Variants in LAMP3 observed in about 807,000 individuals in gnomAD.
LAMP3 encodes the protein lysosome associated membrane protein 3.
In LAMP3, 26 loss-of-function variants were observed where a neutral mutation model predicts 34.8. The observed-to-expected ratio is 0.75, with a 90% CI of 0.55 to 1.04. The LOEUF (loss-of-function observed/expected upper bound fraction) is 1.04, where lower values mean the gene tolerates loss of function less well. Ranked by LOEUF, LAMP3 falls within the 50% of genes least tolerant of loss-of-function variation. The probability of loss-of-function intolerance (pLI) is 0.00; values close to 1 mark genes in which losing one functional copy is unlikely to be tolerated. For missense variants in LAMP3, 495 were observed against 524.0 expected, an observed-to-expected ratio of 0.94 and a Z score of 0.54; for synonymous variants, 180 against 201.9, an observed-to-expected ratio of 0.89 and a Z score of 0.92.
In LAMP3 at chr3:183,162,618, G is replaced by C. The variant is rs1156608644; in HGVS notation, c.38C>G (p.Ala13Gly). 6.5e-7 allele frequency: 1 copy of C among 1,545,260 alleles called. No homozygotes were observed. The highest frequency in any genetic ancestry group is 8.7e-7 in the Non-Finnish European group (1 of 1,145,954). The change falls in exon 1 of 6, where the codon GCG becomes GGG. Residue 13 changes from alanine to glycine, a missense_variant. Transcript: ENST00000265598. Reference sequence around the variant, plus strand: ...TGAGGGCCACTCACCGGCCAGGGACGCGAAGAGCGCGGCCGCCGCGCTGAG... The same window carrying C: ...TGAGGGCCACTCACCGGCCAGGGACCCGAAGAGCGCGGCCGCCGCGCTGAG... ...RQLSAAAALF[A>G]SLAVILHDGS...
At chr3:183,147,062 T>G (rs1350911039) in intron 3 of LAMP3, among the ~76,000 whole-genome samples, 1 of 151,682 alleles carries the variant, frequency 6.6e-6, no homozygotes, top group Non-Finnish European at 1.5e-5. Context: ...GCTAACATGG[T>G]GAAACCCCAT....
In LAMP3 at chr3:183,153,968, T is replaced by C. The variant is rs781528094; in HGVS notation, c.473A>G (p.Asn158Ser). ...SSSTVSHTTG[N>S]TTQPSNQTTL... ...GGTCTGGTTACTGGGTTGAGTGGTG[T>C]TCCCAGTTGTGTGGCTGACGGTTGA... is the stretch of plus-strand genomic sequence containing the variant. The change falls in exon 2 of 6, where the codon AAC (asparagine) becomes AGC (serine). Residue 158 changes from asparagine to serine, a missense_variant. Transcript: ENST00000265598. The C allele has an allele frequency of 3.7e-6, 6 of 1,614,178 alleles. No homozygotes were observed. The highest frequency in any genetic ancestry group is 5.1e-6 in the Non-Finnish European group (6 of 1,180,022).
At chr3:183,163,132 A>G (rs368611120), upstream of LAMP3, among the ~76,000 whole-genome samples, 70 of 150,272 alleles carry the variant, frequency 4.7e-4, 1 homozygote, top group East Asian at 6.5e-3. Context: ...TAATTTTTGT[A>G]TTTTTAGTAG....
chr3:183,140,377 C>T (rs1300903340), intron 4 of LAMP3, among the ~76,000 whole-genome samples, 161 bp downstream of exon 4: 2 of 127,088 alleles, frequency 1.6e-5, no homozygotes, highest in Admixed American at 1.9e-4. Context: ...TGCCACTACA[C>T]TCCAGCCTGG....
chr3:183,135,464 T>G (rs577155775), intron 5 of LAMP3, among the ~76,000 whole-genome samples: 24 of 152,152 alleles, frequency 1.6e-4, no homozygotes, highest in African/African-American at 5.5e-4. Flanking sequence ...AGCGCGTGAG[T>G]GTTTAAATGA....
intron 3 of LAMP3, among the ~76,000 whole-genome samples, chr3:183,145,258 TC>T (rs1188209531): frequency 1.3e-5 from 2 of 152,114 alleles, no homozygotes; most frequent in Admixed American, 1.3e-4. Context: ...GGTTTTCAGT[TC>T]TTTAAAAAAT....
chr3:183,162,760 A>G, upstream of LAMP3: 1 of 1,106,186 alleles, frequency 9.0e-7, no homozygotes, highest in Non-Finnish European at 1.2e-6. Context: ...CCACCTGCTT[A>G]TGAGAAGCAG....
chr3:183,126,592 G>A (rs900419250), intron 5 of LAMP3, among the ~76,000 whole-genome samples: 15 of 151,804 alleles, frequency 9.9e-5, no homozygotes, highest in African/African-American at 3.1e-4. Context: ...GCAAACTCAC[G>A]TGCATGCTTA....
chr3:183,162,878 G>T (rs528896789), upstream of LAMP3: 2 of 525,812 alleles, frequency 3.8e-6, no homozygotes, highest in Admixed American at 7.7e-5. Flanking sequence ...GCCGGGGCCC[G>T]GGCCTCTGGG....
At chr3:183,139,915 T>C (rs998244840) in intron 4 of LAMP3, among the ~76,000 whole-genome samples, 2 of 152,182 alleles carry the variant, frequency 1.3e-5, no homozygotes, top group South Asian at 4.1e-4. Flanking sequence ...AATGTATGAT[T>C]CCCAGAGTAT....
At position 183,162,605 on chromosome 3, in the gene LAMP3, A is replaced by G; in HGVS notation, c.49+2T>C. On this transcript the variant is annotated splice_donor_variant, in intron 1 of 5. Coordinates refer to ENST00000265598, the MANE Select transcript of LAMP3 (RefSeq NM_014398.4). LOFTEE classifies it high-confidence loss of function. ...CCGCGGGAAGCGCTGAGGGCCACTCACCGGCCAGGGACGCGAAGAGCGCGG... is the reference window on the plus strand; with the variant it reads ...CCGCGGGAAGCGCTGAGGGCCACTCGCCGGCCAGGGACGCGAAGAGCGCGG... The G allele has an allele frequency of 1.3e-6, 2 of 1,547,034 alleles. No individual in the cohort carries two copies. Among genetic ancestry groups the G allele is most frequent in the Admixed American group, 2.0e-5 (1 of 50,966 alleles).
At chr3:183,161,328 G>A (rs1362427848) in intron 1 of LAMP3, among the ~76,000 whole-genome samples, 2 of 152,096 alleles carry the variant, frequency 1.3e-5, no homozygotes, top group Non-Finnish European at 2.9e-5. Context: ...GAAAGGAACC[G>A]GTAATGTGGG....
intron 3 of LAMP3, among the ~76,000 whole-genome samples, chr3:183,149,588 TA>T (rs1720564736): frequency 1.7e-4 from 6 of 34,730 alleles, no homozygotes; most frequent in Non-Finnish European, 6.0e-4. Context: ...TATATATATA[TA>T]TATATATATA....
chr3:183,126,570 G>A (rs1276443153), intron 5 of LAMP3, among the ~76,000 whole-genome samples: 7 of 151,398 alleles, frequency 4.6e-5, no homozygotes, highest in Non-Finnish European at 8.8e-5. Flanking sequence ...GTGTGCACAC[G>A]TGTGCATGTG....
chr3:183,135,579 G>A, intron 5 of LAMP3, 138 bp downstream of exon 5: 1 of 832,044 alleles, frequency 1.2e-6, no homozygotes, highest in Admixed American at 2.3e-5. Context: ...GCCTGGCCCT[G>A]TGAGCTATGT....
intron 1 of LAMP3, among the ~76,000 whole-genome samples, chr3:183,157,283 T>C (rs1016638023): frequency 2.8e-4 from 43 of 152,200 alleles, no homozygotes; most frequent in Non-Finnish European, 4.7e-4. Context: ...TGCATGATAC[T>C]TGAGAGTGGT....
chr3:183,126,534 A>ATGTG lies in LAMP3; in HGVS notation c.1118-2324_1118-2321dup, dbSNP rs111747229. ...TTTTGGGCATGTAGTTCCTCTGTGA[A>ATGTG]TGTGTGTGTGTGTGTGTGTGTGTGT... is the stretch of plus-strand genomic sequence containing the variant. On this transcript the variant is annotated intron_variant, in intron 5 of 5. Transcript: ENST00000265598. Among the ~76,000 whole-genome samples the ATGTG allele has an allele frequency of 6.1e-3, 915 of 149,740 alleles. 9 individuals are homozygous for ATGTG. Among genetic ancestry groups the ATGTG allele is most frequent in the African/African-American group, 0.015 (631 of 40,790 alleles).
intron 4 of LAMP3, among the ~76,000 whole-genome samples, chr3:183,137,818 C>T (rs1720145220): frequency 1.3e-5 from 2 of 151,576 alleles, no homozygotes; most frequent in Non-Finnish European, 2.9e-5. Flanking sequence ...TCCCCTTCCC[C>T]CCACCTTTTT....
In LAMP3 at chr3:183,162,618, G is replaced by A. The variant is rs1156608644; in HGVS notation, c.38C>T (p.Ala13Val). 5.8e-6 allele frequency: 9 copies of A among 1,545,138 alleles called. No homozygotes were observed. In the African/African-American group the frequency reaches 9.6e-5, roughly 17 times the overall value. The change falls in exon 1 of 6, where the codon GCG becomes GTG. Residue 13 changes from alanine to valine, a missense_variant. Ala to Val is a moderately conservative substitution (Grantham distance 64). Transcript: ENST00000265598. ...RQLSAAAALF[A>V]SLAVILHDGS... ...TGAGGGCCACTCACCGGCCAGGGAC[G>A]CGAAGAGCGCGGCCGCCGCGCTGAG...
Sources: gnomAD v4.1 joint callset for allele counts (sites outside exome capture counted in the v4.1 genomes callset) on GRCh38, gnomAD v4.1.1 for gene constraint, MANE v1.5 for transcripts, NCBI Gene and HGNC (gene_info 2026-07-23, HGNC 2026-07-21) for gene names.